The following NKAIN2 variants were observed in gnomAD, a reference collection of about 807,000 sequenced individuals.
NKAIN2 encodes sodium/potassium-transporting ATPase subunit beta-1-interacting protein 2.
In NKAIN2, 14 loss-of-function variants were observed where a neutral mutation model predicts 32.6. The observed-to-expected ratio is 0.43, with a 90% confidence interval of 0.28 to 0.67. The LOEUF is 0.67. Ranked by LOEUF, NKAIN2 falls within the 30% of genes least tolerant of loss-of-function variation. The pLI is 0.17. For missense variants in NKAIN2, 198 were observed against 258.3 expected, an observed-to-expected ratio of 0.77 and a Z score of 1.60; for synonymous variants, 80 against 87.2, an observed-to-expected ratio of 0.92 and a Z score of 0.46.
chr6:124,119,257 A>G (rs1785759990), intron 1 of NKAIN2, among the ~76,000 whole-genome samples: 1 of 152,120 alleles, frequency 6.6e-6, no homozygotes, highest in Admixed American at 6.6e-5. Flanking sequence ...ATCGGGGAAC[A>G]TTTCCCCCTT....
At chr6:123,852,851 A>G (rs1775407527) in intron 1 of NKAIN2, among the ~76,000 whole-genome samples, 2 of 152,146 alleles carry the variant, frequency 1.3e-5, no homozygotes, top group South Asian at 4.1e-4. Context: ...AAAATCCAAA[A>G]AGAGGTGTTG....
chr6:124,820,152 T>C (rs976285029), intron 6 of NKAIN2, among the ~76,000 whole-genome samples: 1 of 152,178 alleles, frequency 6.6e-6, no homozygotes, highest in Non-Finnish European at 1.5e-5. Flanking sequence ...AGATTCTTGA[T>C]AGCTACAACA....
At chr6:124,091,394 A>G (rs1784413305) in intron 1 of NKAIN2, among the ~76,000 whole-genome samples, 1 of 152,014 alleles carries the variant, frequency 6.6e-6, no homozygotes, top group South Asian at 2.1e-4. Flanking sequence ...TATCAAAAAT[A>G]TGAATGTTTC....
intron 1 of NKAIN2, among the ~76,000 whole-genome samples, chr6:123,809,528 T>A (rs1773365073): frequency 6.6e-6 from 1 of 152,182 alleles, no homozygotes; most frequent in Non-Finnish European, 1.5e-5. Flanking sequence ...ATGAAGTTTA[T>A]AACTTGGTTT....
intron 3 of NKAIN2, among the ~76,000 whole-genome samples, chr6:124,463,439 C>T (rs1776613432): frequency 6.6e-6 from 1 of 151,968 alleles, no homozygotes; most frequent in African/African-American, 2.4e-5. Context: ...AGTCTTCTAC[C>T]ATCTGCCTCT....
intron 1 of NKAIN2, among the ~76,000 whole-genome samples, chr6:124,076,151 T>G (rs1783686693): frequency 6.6e-6 from 1 of 152,208 alleles, no homozygotes; most frequent in Non-Finnish European, 1.5e-5. Context: ...TTGAATCTAG[T>G]GCTCATAGTT....
intron 1 of NKAIN2, among the ~76,000 whole-genome samples, chr6:124,130,417 C>G (rs1206132884): frequency 1.3e-5 from 2 of 151,940 alleles, no homozygotes; most frequent in African/African-American, 4.8e-5. Context: ...AACATCTGCC[C>G]CTAATTAATG....
chr6:123,866,634 G>T (rs923611386), intron 1 of NKAIN2, among the ~76,000 whole-genome samples: 3 of 152,050 alleles, frequency 2.0e-5, no homozygotes, highest in Non-Finnish European at 2.9e-5. Flanking sequence ...GTTTCACCGC[G>T]TTAGCCAGGA....
chr6:124,214,375 G>T (rs1443940529), intron 1 of NKAIN2, among the ~76,000 whole-genome samples: 1 of 152,038 alleles, frequency 6.6e-6, no homozygotes, highest in Non-Finnish European at 1.5e-5. Context: ...AAATTTATTT[G>T]GAAGGAATTA....
chr6:124,061,435 A>G (rs1328860704), intron 1 of NKAIN2, among the ~76,000 whole-genome samples: 3 of 152,154 alleles, frequency 2.0e-5, no homozygotes, highest in East Asian at 1.9e-4. Context: ...CTTTCTCTAT[A>G]TTTTTATCAA....
intron 2 of NKAIN2, among the ~76,000 whole-genome samples, chr6:124,333,327 G>A (rs1797739301): frequency 6.6e-6 from 1 of 151,990 alleles, no homozygotes; most frequent in African/African-American, 2.4e-5. Flanking sequence ...AGTTCTAGGG[G>A]CCATCATTCT....
chr6:123,936,687 T>C (rs1776523096), intron 1 of NKAIN2, among the ~76,000 whole-genome samples: 1 of 152,144 alleles, frequency 6.6e-6, no homozygotes, highest in Admixed American at 6.6e-5. Flanking sequence ...ACAAGACTTT[T>C]GATGTTAGGG....
chr6:124,215,506 T>C (rs1342261030), intron 1 of NKAIN2, among the ~76,000 whole-genome samples: 2 of 152,102 alleles, frequency 1.3e-5, no homozygotes, highest in African/African-American at 4.8e-5. Context: ...ATATTAAAAA[T>C]GCCCATAGGG....
intron 1 of NKAIN2, among the ~76,000 whole-genome samples, chr6:124,073,082 A>G (rs1783533729): frequency 6.6e-6 from 1 of 152,198 alleles, no homozygotes; most frequent in South Asian, 2.1e-4. Flanking sequence ...GGTTGTGAAG[A>G]AGTAGAACAA....
intron 1 of NKAIN2, among the ~76,000 whole-genome samples, chr6:123,977,168 G>A (rs1041632991): frequency 5.9e-5 from 9 of 152,104 alleles, no homozygotes; most frequent in Non-Finnish European, 5.9e-5. Context: ...TAGAGACAGC[G>A]TCTCACTATG....
intron 1 of NKAIN2, among the ~76,000 whole-genome samples, chr6:123,870,499 G>A (rs185967759): frequency 2.6e-5 from 4 of 152,266 alleles, no homozygotes; most frequent in East Asian, 1.9e-4. Flanking sequence ...ACTGAGCAAC[G>A]ATTGATGTTC....
At chr6:124,483,246 T>G (rs1224862172) in intron 3 of NKAIN2, among the ~76,000 whole-genome samples, 1 of 152,230 alleles carries the variant, frequency 6.6e-6, no homozygotes, top group East Asian at 1.9e-4. Context: ...ATCATATGAC[T>G]TATTTTGCCA....
chr6:124,595,199 C>T (rs1782039736), intron 3 of NKAIN2, among the ~76,000 whole-genome samples: 1 of 152,198 alleles, frequency 6.6e-6, no homozygotes, highest in Non-Finnish European at 1.5e-5. Context: ...TAAGAATCTT[C>T]TCACTGCAAA....
chr6:123,804,101 G>A lies in NKAIN2; in HGVS notation c.-100G>A, dbSNP rs1773111199. 8 of 1,085,572 alleles carry A rather than the reference G, an allele frequency of 7.4e-6. No homozygotes were observed. The highest frequency in any genetic ancestry group is 4.7e-5 in the East Asian group (2 of 42,412). The allele number at this position is 1,085,572 out of a possible 1,614,324, so 67.2% of individuals were successfully genotyped here. A position where few individuals can be genotyped will look rare whatever the true frequency, so the allele number is the denominator to read the frequency against. On this transcript the variant is annotated 5_prime_UTR_variant, in exon 1 of 7. Transcript: ENST00000368417. Reference sequence around the variant, plus strand: ...GCAGCCCGGAGCCCCCGAGCCCTCGGCAGGTTTGCGTGTCCTTCCCCGCGA... The same window carrying A: ...GCAGCCCGGAGCCCCCGAGCCCTCGACAGGTTTGCGTGTCCTTCCCCGCGA...
Sources: allele counts gnomAD v4.1 joint callset (sites outside exome capture counted in the v4.1 genomes callset), GRCh38; gene constraint gnomAD v4.1.1; transcripts MANE v1.5; gene names NCBI Gene and HGNC (gene_info 2026-07-23, HGNC 2026-07-21).